Variants in ADGRB3 observed in about 807,000 individuals in gnomAD.
ADGRB3 encodes adhesion G protein-coupled receptor B3, also known as brain-specific angiogenesis inhibitor 3.
ADGRB3 carries 37 observed loss-of-function variants against 193.4 expected under a neutral mutation model. The observed-to-expected ratio is 0.19, with a 90% CI of 0.15 to 0.25. ADGRB3 has a LOEUF of 0.25. Ranked by LOEUF, ADGRB3 falls within the 10% of genes least tolerant of loss-of-function variation. The pLI, the probability that ADGRB3 is intolerant of heterozygous loss-of-function variation, is 1.00. For synonymous variants in ADGRB3, 690 were observed against 644.2 expected (o/e 1.07, Z -1.08); for missense variants, 1,637 against 1,852.9 (o/e 0.88, Z 2.14).
chr6:68,931,201 A>C (rs1311100104), intron 4 of ADGRB3, among the ~76,000 whole-genome samples: 1 of 151,944 alleles, frequency 6.6e-6, no homozygotes, highest in Non-Finnish European at 1.5e-5. Flanking sequence ...TGAAAGTGTT[A>C]AGTAAGGTGT....
chr6:69,334,766 G>A (rs946299081), intron 24 of ADGRB3, among the ~76,000 whole-genome samples: 3 of 152,162 alleles, frequency 2.0e-5, no homozygotes, highest in African/African-American at 7.2e-5. Flanking sequence ...AAACAACATC[G>A]ACAATAAAAT....
At chr6:68,817,223 A>G (rs1277855389) in intron 3 of ADGRB3, among the ~76,000 whole-genome samples, 3 of 148,802 alleles carry the variant, frequency 2.0e-5, no homozygotes, top group Non-Finnish European at 4.5e-5. Flanking sequence ...CCTGCTTGAC[A>G]TAAATACCAA....
intron 17 of ADGRB3, among the ~76,000 whole-genome samples, chr6:69,143,089 A>T (rs1035309736): frequency 8.5e-5 from 13 of 152,126 alleles, no homozygotes; most frequent in Non-Finnish European, 1.5e-4. Context: ...GTGGGGTGAG[A>T]TGATATCTCA....
At chr6:69,282,684 G>T (rs572321688) in intron 20 of ADGRB3, among the ~76,000 whole-genome samples, 1 of 152,138 alleles carries the variant, frequency 6.6e-6, no homozygotes, top group South Asian at 2.1e-4. Flanking sequence ...TATTTATTGG[G>T]TGACTATAAG....
At chr6:68,955,135 A>ATTCTT (rs1220440617) in intron 6 of ADGRB3, among the ~76,000 whole-genome samples, 1 of 152,170 alleles carries the variant, frequency 6.6e-6, no homozygotes. Flanking sequence ...AATGCCCATG[A>ATTCTT]TTCTTCTTCC....
At chr6:69,273,440 A>C (rs1019979731) in intron 20 of ADGRB3, among the ~76,000 whole-genome samples, 1 of 152,196 alleles carries the variant, frequency 6.6e-6, no homozygotes, top group African/African-American at 2.4e-5. Context: ...TCTGGCTCCA[A>C]GTAGATTATA....
At chr6:68,932,134 C>T (rs75636561) in intron 4 of ADGRB3, among the ~76,000 whole-genome samples, 14,540 of 152,032 alleles carry the variant, frequency 0.096, 918 homozygotes, top group Non-Finnish European at 0.14. Context: ...TCATCTTTGT[C>T]GGCACCATCT....
chr6:68,678,178 T>C (rs1582117742), intron 3 of ADGRB3, among the ~76,000 whole-genome samples: 1 of 152,168 alleles, frequency 6.6e-6, no homozygotes, highest in African/African-American at 2.4e-5. Context: ...CCCAGCTCTT[T>C]GGGAGGCCAA....
At chr6:69,326,016 T>C (rs1768561020) in intron 21 of ADGRB3, among the ~76,000 whole-genome samples, 1 of 151,954 alleles carries the variant, frequency 6.6e-6, no homozygotes, top group African/African-American at 2.4e-5. Flanking sequence ...TGAGCGCGGG[T>C]GGACTACCTG....
intron 20 of ADGRB3, among the ~76,000 whole-genome samples, chr6:69,292,811 T>A (rs1269749296): frequency 6.6e-6 from 1 of 152,178 alleles, no homozygotes; most frequent in Non-Finnish European, 1.5e-5. Flanking sequence ...GCTGGTGCGC[T>A]GCACCCACTA....
chr6:68,888,863 C>T (rs1374483594), intron 3 of ADGRB3, among the ~76,000 whole-genome samples: 1 of 152,134 alleles, frequency 6.6e-6, no homozygotes, highest in African/African-American at 2.4e-5. Flanking sequence ...GTGCTTGGTC[C>T]TCAGCATGTT....
chr6:69,264,960 C>A (rs1025106111), intron 20 of ADGRB3, among the ~76,000 whole-genome samples: 5 of 151,836 alleles, frequency 3.3e-5, no homozygotes, highest in Non-Finnish European at 5.9e-5. Flanking sequence ...AAAATATTAG[C>A]CTTCTTTCTC....
At chr6:68,742,682 C>T (rs764297933) in intron 3 of ADGRB3, among the ~76,000 whole-genome samples, 6 of 152,020 alleles carry the variant, frequency 3.9e-5, no homozygotes, top group Non-Finnish European at 7.4e-5. Flanking sequence ...GTATTTGGCA[C>T]TAAGCAGGGA....
chr6:69,087,567 C>A (rs114916940), intron 17 of ADGRB3, among the ~76,000 whole-genome samples: 2 of 152,160 alleles, frequency 1.3e-5, no homozygotes, highest in Admixed American at 6.6e-5. Flanking sequence ...TAAGCACTCA[C>A]CAAACACTGA....
At chr6:69,065,965 G>GT (rs1771891986) in intron 16 of ADGRB3, among the ~76,000 whole-genome samples, 1 of 151,784 alleles carries the variant, frequency 6.6e-6, no homozygotes, top group Non-Finnish European at 1.5e-5. Context: ...CTGTATTATG[G>GT]TATTAGGTCT....
At chr6:69,347,775 G>C (rs1184351552) in intron 26 of ADGRB3, among the ~76,000 whole-genome samples, 1 of 151,726 alleles carries the variant, frequency 6.6e-6, no homozygotes, top group Non-Finnish European at 1.5e-5. Flanking sequence ...ACAGAGTGAG[G>C]CCTCATCTCT....
At chr6:68,884,517 G>A (rs1355596877) in intron 3 of ADGRB3, among the ~76,000 whole-genome samples, 3 of 152,112 alleles carry the variant, frequency 2.0e-5, no homozygotes, top group African/African-American at 7.2e-5. Flanking sequence ...AGTATTTCAG[G>A]CAGAGGAAAA....
chr6:69,064,514 G>T (rs1324779510), intron 16 of ADGRB3, among the ~76,000 whole-genome samples: 2 of 151,926 alleles, frequency 1.3e-5, no homozygotes, highest in Non-Finnish European at 2.9e-5. Context: ...ACTGCACTGA[G>T]AACTGGGAGA....
intron 3 of ADGRB3, among the ~76,000 whole-genome samples, chr6:68,855,975 G>C (rs1195815754): frequency 6.6e-6 from 1 of 152,216 alleles, no homozygotes; most frequent in East Asian, 1.9e-4. Flanking sequence ...AATCATGGGG[G>C]TGGGTCTTTC....
Sources: allele counts gnomAD v4.1 joint callset (sites outside exome capture counted in the v4.1 genomes callset), GRCh38; gene constraint gnomAD v4.1.1; transcripts MANE v1.5; gene names NCBI Gene and HGNC (gene_info 2026-07-23, HGNC 2026-07-21).